The following CAMTA1 variants were observed in gnomAD, a reference collection of about 807,000 sequenced individuals.
The protein encoded by CAMTA1 is calmodulin binding transcription activator 1, also known as calmodulin-binding transcription activator 1.
A neutral mutation model predicts 170.9 loss-of-function variants in CAMTA1; 27 were observed. The observed-to-expected ratio is 0.16, with a 90% confidence interval of 0.12 to 0.22. CAMTA1 has a LOEUF of 0.22. Ranked by LOEUF, CAMTA1 falls within the 10% of genes least tolerant of loss-of-function variation. The pLI is 1.00. For missense variants in CAMTA1, 1,619 were observed against 2,217.2 expected (o/e 0.73, Z 5.42); for synonymous variants, 833 against 891.5 (o/e 0.93, Z 1.17).
chr1:7,630,657 C>T (rs574622855), intron 6 of CAMTA1, among the ~76,000 whole-genome samples: 2 of 152,232 alleles, frequency 1.3e-5, no homozygotes, highest in East Asian at 1.9e-4. Context: ...CTCCTGCTGG[C>T]GCACAGGCTT....
At chr1:7,357,738 T>C (rs2085236438) in intron 5 of CAMTA1, among the ~76,000 whole-genome samples, 1 of 152,178 alleles carries the variant, frequency 6.6e-6, no homozygotes, top group Non-Finnish European at 1.5e-5. Flanking sequence ...TTTTCGTCCT[T>C]AGGGTCTTAT....
intron 4 of CAMTA1, among the ~76,000 whole-genome samples, chr1:7,223,154 C>G (rs1308235629): frequency 1.6e-5 from 2 of 128,074 alleles, no homozygotes; most frequent in Admixed American, 8.2e-5. Flanking sequence ...GATCCACCCA[C>G]CCACCCACCC....
rs751790257 is a variant in CAMTA1 at position 6,825,219 on chromosome 1, G to A, written c.234+9G>A. 1.2e-5 allele frequency: 18 copies of A among 1,518,672 alleles called. No individual in the cohort carries two copies. The highest frequency in any genetic ancestry group is 1.7e-4 in the Middle Eastern group (1 of 5,724). The allele number at this position is 1,518,672 out of a possible 1,614,324, so 94.1% of individuals were successfully genotyped here. ...GCTGGAACACTAATGAGGTAGATAA[G>A]TTTCTTTTTTTAAGGGTATAATTAT... On this transcript the variant is annotated intron_variant, in intron 3 of 22. Transcript: ENST00000303635.
intron 6 of CAMTA1, among the ~76,000 whole-genome samples, chr1:7,528,568 G>A (rs1345823041): frequency 6.6e-6 from 1 of 152,122 alleles, no homozygotes; most frequent in African/African-American, 2.4e-5. Context: ...GTCAGCGTCT[G>A]CATTGGTCTC....
intron 4 of CAMTA1, among the ~76,000 whole-genome samples, chr1:7,226,961 T>G (rs994694819): frequency 9.9e-5 from 15 of 152,090 alleles, no homozygotes; most frequent in African/African-American, 3.6e-4. Flanking sequence ...GCCTCCTGAG[T>G]AGCTGGGACT....
At chr1:7,747,876 C>A in intron 19 of CAMTA1, 95 bp downstream of exon 19, 1 of 650,622 alleles carries the variant, frequency 1.5e-6, no homozygotes, top group Non-Finnish European at 2.7e-6. Flanking sequence ...TCTAGTACCT[C>A]ATTACAGAGA....
In CAMTA1 at chr1:7,619,948, A is replaced by G. The variant is rs114628696; in HGVS notation, c.511-20452A>G. On this transcript the variant is annotated intron_variant, in intron 6 of 22. Transcript: ENST00000303635. ...GGAATAAATGCTGTGCAGACAATGT[A>G]TGTGATGCTGTCATTAAATGTTGCA... Among the ~76,000 whole-genome samples, 308 of 152,356 alleles carry G rather than the reference A, an allele frequency of 2.0e-3. 2 individuals carry two copies. The highest frequency in any genetic ancestry group is 7.3e-3 in the African/African-American group (304 of 41,576).
intron 6 of CAMTA1, among the ~76,000 whole-genome samples, chr1:7,520,216 C>T (rs1250891126): frequency 0.014 from 2 of 148 alleles, no homozygotes; most frequent in Admixed American, 0.033. Context: ...TCCTCCTCCT[C>T]CTCCTCCTCC....
intron 4 of CAMTA1, among the ~76,000 whole-genome samples, chr1:7,246,237 T>C (rs938671931): frequency 6.6e-6 from 1 of 152,204 alleles, no homozygotes; most frequent in Non-Finnish European, 1.5e-5. Flanking sequence ...GGTTTGATTA[T>C]ATGCTGGGAA....
At chr1:7,371,608 C>A (rs376205290) in intron 5 of CAMTA1, among the ~76,000 whole-genome samples, 2 of 152,202 alleles carry the variant, frequency 1.3e-5, no homozygotes, top group Admixed American at 1.3e-4. Context: ...GTTTCCTGGC[C>A]GTCCTCATCA....
chr1:7,598,691 A>C (rs1386639619), intron 6 of CAMTA1, among the ~76,000 whole-genome samples: 3 of 152,192 alleles, frequency 2.0e-5, no homozygotes, highest in African/African-American at 7.2e-5. Context: ...ATGGCCAGTG[A>C]TGATGAGCAT....
intron 4 of CAMTA1, among the ~76,000 whole-genome samples, chr1:7,201,855 G>T (rs1656768012): frequency 6.6e-6 from 1 of 151,776 alleles, no homozygotes; most frequent in East Asian, 1.9e-4. Context: ...AATTTTTTTG[G>T]TGTCCTTTGA....
intron 22 of CAMTA1, among the ~76,000 whole-genome samples, chr1:7,755,984 G>A (rs537365594): frequency 6.6e-6 from 1 of 152,298 alleles, no homozygotes; most frequent in Admixed American, 6.5e-5. Flanking sequence ...CCACGTACAC[G>A]GCCAAATAAC....
chr1:6,875,236 C>T (rs1669497608), intron 3 of CAMTA1, among the ~76,000 whole-genome samples: 1 of 152,136 alleles, frequency 6.6e-6, no homozygotes, highest in Non-Finnish European at 1.5e-5. Flanking sequence ...CGGTTTTGCC[C>T]TTTTAGTTGT....
At chr1:7,695,178 G>T (rs1576945631) in intron 11 of CAMTA1, among the ~76,000 whole-genome samples, 1 of 152,214 alleles carries the variant, frequency 6.6e-6, no homozygotes, top group South Asian at 2.1e-4. Context: ...TGCAGACACA[G>T]CCCCCACGAG....
intron 5 of CAMTA1, among the ~76,000 whole-genome samples, chr1:7,276,303 A>ATATATAATTTTTTTTTTTT: frequency 4.1e-5 from 1 of 24,232 alleles, no homozygotes; most frequent in African/African-American, 3.0e-4. Context: ...ATATATATAT[A>ATATATAATTTTTTTTTTTT]TTTTTTTTTT....
intron 5 of CAMTA1, among the ~76,000 whole-genome samples, chr1:7,449,291 C>G (rs911915347): frequency 6.6e-6 from 1 of 152,172 alleles, no homozygotes; most frequent in Non-Finnish European, 1.5e-5. Context: ...GTGCGTGGGC[C>G]AAGCAACATT....
chr1:6,957,560 C>T (rs1412760751), intron 3 of CAMTA1, among the ~76,000 whole-genome samples: 1 of 151,084 alleles, frequency 6.6e-6, no homozygotes, highest in African/African-American at 2.5e-5. Flanking sequence ...GTCGTCAAAG[C>T]CAGCACTGGC....
chr1:6,837,240 G>A (rs1243230962), intron 3 of CAMTA1, among the ~76,000 whole-genome samples: 2 of 152,150 alleles, frequency 1.3e-5, no homozygotes, highest in Admixed American at 6.5e-5. Context: ...ACAGGCGTGA[G>A]CCACCGTGCC....
Sources: allele counts gnomAD v4.1 joint callset (sites outside exome capture counted in the v4.1 genomes callset), GRCh38; gene constraint gnomAD v4.1.1; transcripts MANE v1.5; gene names NCBI Gene and HGNC (gene_info 2026-07-23, HGNC 2026-07-21).